OGDH: variants seen among roughly 807,000 people sequenced by gnomAD.
OGDH encodes oxoglutarate dehydrogenase.
A neutral mutation model predicts 116.6 loss-of-function variants in OGDH; 38 were observed. The ratio of observed to expected loss-of-function variants is 0.33; its 90% CI spans 0.25 to 0.43. The LOEUF (loss-of-function observed/expected upper bound fraction) is 0.43, where lower values mean the gene tolerates loss of function less well. Ranked by LOEUF, OGDH falls within the 20% of genes least tolerant of loss-of-function variation. The pLI, the probability that OGDH is intolerant of heterozygous loss-of-function variation, is 1.00. For missense variants in OGDH, 825 were observed against 1,357.2 expected (o/e 0.61, Z 6.16); for synonymous variants, 488 against 533.3 (o/e 0.92, Z 1.17).
rs568645995 is a variant in OGDH at position 44,646,454 on chromosome 7, C to G, written c.414+936C>G. ...CATGGCCTGGCAAGTAAGGCTCTCT[C>G]CCTGGGGCAAGTGTATTCTGCCTTA... is the stretch of plus-strand genomic sequence containing the variant. On this transcript the variant is annotated intron_variant, in intron 3 of 22. Coordinates refer to ENST00000222673, the MANE Select transcript of OGDH (RefSeq NM_002541.4). Among the ~76,000 whole-genome samples the G allele has an allele frequency of 3.9e-5, 6 of 152,340 alleles. No homozygotes were observed. In the South Asian group the frequency reaches 1.0e-3, roughly 26 times the overall value.
chr7:44,623,081 C>G (rs946454158), intron 1 of OGDH, among the ~76,000 whole-genome samples: 1 of 152,180 alleles, frequency 6.6e-6, no homozygotes, highest in African/African-American at 2.4e-5. Context: ...TCAGACCTGG[C>G]TCCCCATGGC....
intron 2 of OGDH, among the ~76,000 whole-genome samples, chr7:44,628,942 A>G (rs1051362828): frequency 5.3e-5 from 8 of 151,340 alleles, no homozygotes; most frequent in Non-Finnish European, 4.4e-5. Flanking sequence ...TTTTGTTCCT[A>G]CCTTTGGTCC....
chr7:44,626,642 A>G (rs1007222469), intron 2 of OGDH, among the ~76,000 whole-genome samples: 11 of 152,218 alleles, frequency 7.2e-5, no homozygotes, highest in African/African-American at 2.7e-4. Context: ...CTCTGTGAGC[A>G]GTGTGGCCAC....
intron 10 of OGDH, among the ~76,000 whole-genome samples, chr7:44,686,711 C>T (rs1452634493): frequency 3.0e-5 from 4 of 131,996 alleles, no homozygotes; most frequent in South Asian, 2.4e-4. Context: ...TTTTTTGAGA[C>T]GGAGTCTTGC....
intron 2 of OGDH, among the ~76,000 whole-genome samples, chr7:44,631,949 A>G (rs948592165): frequency 4.6e-5 from 7 of 152,194 alleles, no homozygotes; most frequent in African/African-American, 1.7e-4. Flanking sequence ...GAAGTGCATT[A>G]TGCTGTGCTG....
intron 9 of OGDH, among the ~76,000 whole-genome samples, chr7:44,680,213 A>G (rs1473109995): frequency 1.3e-5 from 2 of 151,936 alleles, no homozygotes; most frequent in Non-Finnish European, 2.9e-5. Context: ...CCCTGCCTCA[A>G]AAAAAAAGAA....
chr7:44,699,295 G>A (rs1010564069), intron 18 of OGDH, among the ~76,000 whole-genome samples: 3 of 151,584 alleles, frequency 2.0e-5, no homozygotes, highest in Non-Finnish European at 4.4e-5. Flanking sequence ...GCGTGGTGGC[G>A]GGCACCTGTA....
intron 1 of OGDH, among the ~76,000 whole-genome samples, chr7:44,614,010 TG>T (rs1375178454): frequency 6.6e-6 from 1 of 151,798 alleles, no homozygotes; most frequent in Non-Finnish European, 1.5e-5. Flanking sequence ...TTCTCCATGT[TG>T]GTCAGGCTGG....
In OGDH at chr7:44,643,163, A is replaced by G. The variant is rs577600661; in HGVS notation, c.223-2164A>G. On this transcript the variant is annotated intron_variant, in intron 2 of 22. Transcript: ENST00000222673. The stretch of plus-strand genomic sequence containing the variant: ...TTCAGTGGAGTTTTGTTTTTAACAG[A>G]TGGGTTCTTGCTGTATTGCCCAGGC... Among the ~76,000 whole-genome samples, 5 of 150,598 alleles carry G rather than the reference A, an allele frequency of 3.3e-5. No individual in the cohort carries two copies. The South Asian group carries it at 1.0e-3, about 32-fold the overall frequency.
intron 2 of OGDH, among the ~76,000 whole-genome samples, chr7:44,643,643 G>C (rs1786047266): frequency 6.6e-6 from 1 of 152,142 alleles, no homozygotes; most frequent in African/African-American, 2.4e-5. Flanking sequence ...AAAAACAGAA[G>C]ACCTTAAGGA....
rs377574901 is a variant in OGDH, at chr7:44,675,962, C to T, written c.1027-8C>T. ...GCCAGGGTGCAAATTCACTGTTTACCCCATCAGGGCTCCGGAGATGTGAAG... is the reference window on the plus strand; with the variant it reads ...GCCAGGGTGCAAATTCACTGTTTACTCCATCAGGGCTCCGGAGATGTGAAG... On this transcript the variant is annotated splice_region_variant and splice_polypyrimidine_tract_variant and intron_variant, in intron 8 of 22. Transcript: ENST00000222673. 2.3e-5 allele frequency: 37 copies of T among 1,612,748 alleles called. No individual in the cohort carries two copies. The South Asian group carries it at 3.7e-4, about 16-fold the overall frequency.
chr7:44,675,298 C>T, intron 8 of OGDH, 30 bp downstream of exon 8: 2 of 1,574,972 alleles, frequency 1.3e-6, no homozygotes, highest in Non-Finnish European at 1.7e-6. Flanking sequence ...ACACATCCAG[C>T]ATAGCCCCAA....
chr7:44,607,951 C>T (rs1236338847), intron 1 of OGDH, among the ~76,000 whole-genome samples: 2 of 152,158 alleles, frequency 1.3e-5, no homozygotes, highest in African/African-American at 4.8e-5. Context: ...ATCCGCCCGC[C>T]TCGGCCCCCA....
At position 44,614,188 on chromosome 7, in the gene OGDH, G is replaced by A. The variant is rs896263425; in HGVS notation, c.-28+7535G>A. On this transcript the variant is annotated intron_variant, in intron 1 of 22. Coordinates refer to ENST00000222673, the MANE Select transcript of OGDH (RefSeq NM_002541.4). ...AGGCTGGTCTCAAACCCCTAGGCAA[G>A]CTATCCTTTCACCTCAGCCTCCCAA... Among the ~76,000 whole-genome samples, 6 of 150,932 alleles carry A rather than the reference G, an allele frequency of 4.0e-5. No homozygotes were observed. In the East Asian group the frequency reaches 1.2e-3, roughly 29 times the overall value.
At chr7:44,608,325 A>G (rs903966650) in intron 1 of OGDH, among the ~76,000 whole-genome samples, 2 of 151,512 alleles carry the variant, frequency 1.3e-5, no homozygotes, top group African/African-American at 2.4e-5. Flanking sequence ...GGAGGATGGC[A>G]TGAGCCAGGG....
At chr7:44,651,327 T>A (rs1439139930) in intron 4 of OGDH, among the ~76,000 whole-genome samples, 1 of 152,190 alleles carries the variant, frequency 6.6e-6, no homozygotes. Flanking sequence ...TGTCTTCACT[T>A]CTCAGAAATT....
intron 4 of OGDH, among the ~76,000 whole-genome samples, chr7:44,666,315 G>A (rs1787184449): frequency 6.6e-6 from 1 of 152,058 alleles, no homozygotes; most frequent in Non-Finnish European, 1.5e-5. Context: ...TTCTATATCA[G>A]TTCTTCATTT....
intron 4 of OGDH, among the ~76,000 whole-genome samples, chr7:44,662,460 TTTTC>T (rs1786987761): frequency 1.4e-5 from 2 of 143,476 alleles, no homozygotes; most frequent in Non-Finnish European, 1.5e-5. Flanking sequence ...TTTTCTTTTC[TTTTC>T]TTTTTTTTTT....
chr7:44,625,979 T>G (rs535710533), intron 2 of OGDH, among the ~76,000 whole-genome samples: 20 of 151,936 alleles, frequency 1.3e-4, no homozygotes, highest in Non-Finnish European at 2.6e-4. Flanking sequence ...TCTCTAAAAT[T>G]TAAAAGAAGG....
Sources: allele counts gnomAD v4.1 joint callset (sites outside exome capture counted in the v4.1 genomes callset), GRCh38; gene constraint gnomAD v4.1.1; transcripts MANE v1.5; gene names NCBI Gene and HGNC (gene_info 2026-07-23, HGNC 2026-07-21).